GRM5: variants seen among roughly 807,000 people sequenced by gnomAD.
GRM5 encodes metabotropic glutamate receptor 5.
A neutral mutation model predicts 83.1 loss-of-function variants in GRM5; 19 were observed. The ratio of observed to expected loss-of-function variants is 0.23; its 90% CI spans 0.16 to 0.34. The LOEUF (loss-of-function observed/expected upper bound fraction) is 0.34, where lower values mean the gene tolerates loss of function less well. Ranked by LOEUF, GRM5 falls within the 10% of genes least tolerant of loss-of-function variation. GRM5 has a pLI of 1.00. For synonymous variants in GRM5, 675 were observed against 633.6 expected, an observed-to-expected ratio of 1.07 and a Z score of -0.98; for missense variants, 1,160 against 1,588.3, an observed-to-expected ratio of 0.73 and a Z score of 4.58.
chr11:88,885,450 G>GTTTT lies in GRM5; in HGVS notation c.662-35299_662-35296dup, dbSNP rs61456975. 2.9e-4 allele frequency among the ~76,000 whole-genome samples: 18 copies of GTTTT among 62,664 alleles called. 3 individuals carry two copies. The highest frequency in any genetic ancestry group is 1.1e-3 in the African/African-American group (18 of 16,892). The allele number at this position is 62,664 out of a possible 152,430, so 41.1% of individuals were successfully genotyped here. A position where few individuals can be genotyped will look rare whatever the true frequency, so the allele number is the denominator to read the frequency against. ...TTCTGAATTCTATAGTAGGTACCAT[G>GTTTT]TTTTTTTTTTTTTTTTTTTTTTTTT... is the stretch of plus-strand genomic sequence containing the variant. On this transcript the variant is annotated intron_variant, in intron 2 of 9. Transcript: ENST00000305447.
rs1183196121 is a variant in GRM5 at position 88,849,895 on chromosome 11, T to C, written c.911+11A>G. On this transcript the variant is annotated intron_variant, in intron 3 of 9. Coordinates refer to ENST00000305447, the MANE Select transcript of GRM5 (RefSeq NM_001143831.3). ...TATTAACTCCATGTAAATTTTCTTATTATCACTCACCTGCCCAGAAGCAGA... is the reference window on the plus strand; with the variant it reads ...TATTAACTCCATGTAAATTTTCTTACTATCACTCACCTGCCCAGAAGCAGA... 8 of 1,613,144 alleles carry C rather than the reference T, an allele frequency of 5.0e-6. No individual in the cohort carries two copies. In the African/African-American group the frequency reaches 8.0e-5, roughly 16 times the overall value.
Position 88,601,330 on chromosome 11 carries a change from C to T in GRM5, c.1394+3388G>A, listed in dbSNP as rs191279862. Among the ~76,000 whole-genome samples, 293 of 152,266 alleles carry T rather than the reference C, an allele frequency of 1.9e-3. 2 individuals carry two copies. Among genetic ancestry groups the T allele is most frequent in the Non-Finnish European group, 6.6e-4 (45 of 68,008 alleles). On this transcript the variant is annotated intron_variant, in intron 5 of 9. Transcript: ENST00000305447. ...CTAGCCTCGTATTTTCTATTTACCG[C>T]ATCTGTTTGTGCTCCTCTGTTCTTT... is the stretch of plus-strand genomic sequence containing the variant.
chr11:88,940,341 T>A (rs1938048021), intron 2 of GRM5, among the ~76,000 whole-genome samples: 1 of 151,308 alleles, frequency 6.6e-6, no homozygotes, highest in African/African-American at 2.4e-5. Context: ...GAAGACCTTT[T>A]AAAAGCAATT....
At chr11:88,684,184 A>T (rs1940564117) in intron 3 of GRM5, among the ~76,000 whole-genome samples, 1 of 152,230 alleles carries the variant, frequency 6.6e-6, no homozygotes, top group African/African-American at 2.4e-5. Context: ...AAGGGAGACT[A>T]GTAAGAGATT....
At chr11:88,924,134 C>CAAAAAAA (rs59939060) in intron 2 of GRM5, among the ~76,000 whole-genome samples, 1 of 146,844 alleles carries the variant, frequency 6.8e-6, no homozygotes, top group African/African-American at 2.5e-5. Flanking sequence ...TAGCTATAAT[C>CAAAAAAA]AAAAAAAAAA....
At chr11:88,727,532 C>A (rs563018388) in intron 3 of GRM5, among the ~76,000 whole-genome samples, 1 of 152,044 alleles carries the variant, frequency 6.6e-6, no homozygotes, top group African/African-American at 2.4e-5. Context: ...CTGGACCAAG[C>A]GGACCCAATA....
chr11:88,550,451 C>T (rs1358280323), intron 8 of GRM5, among the ~76,000 whole-genome samples: 1 of 152,166 alleles, frequency 6.6e-6, no homozygotes, highest in Non-Finnish European at 1.5e-5. Flanking sequence ...CTTTAGGACA[C>T]ACATCCAACT....
At chr11:88,601,748 G>A (rs973879160) in intron 5 of GRM5, among the ~76,000 whole-genome samples, 1 of 152,080 alleles carries the variant, frequency 6.6e-6, no homozygotes, top group Non-Finnish European at 1.5e-5. Flanking sequence ...TGGCAGCCAC[G>A]CATCTTAAAC....
chr11:88,832,086 A>C (rs544149030), intron 3 of GRM5, among the ~76,000 whole-genome samples: 8 of 152,340 alleles, frequency 5.3e-5, no homozygotes, highest in African/African-American at 1.7e-4. Context: ...AGGAAATCAC[A>C]GACAATACTG....
At chr11:88,926,628 C>T (rs1230108641) in intron 2 of GRM5, among the ~76,000 whole-genome samples, 1 of 152,190 alleles carries the variant, frequency 6.6e-6, no homozygotes, top group African/African-American at 2.4e-5. Flanking sequence ...TGTATCTCTA[C>T]AAATCTATAT....
At chr11:88,546,230 T>C (rs1242579122) in intron 8 of GRM5, among the ~76,000 whole-genome samples, 1 of 152,094 alleles carries the variant, frequency 6.6e-6, no homozygotes, top group Admixed American at 6.6e-5. Flanking sequence ...TAATACCTCA[T>C]CTTGCTTCTC....
At chr11:88,813,900 A>G (rs1366971559) in intron 3 of GRM5, among the ~76,000 whole-genome samples, 1 of 152,092 alleles carries the variant, frequency 6.6e-6, no homozygotes, top group African/African-American at 2.4e-5. Flanking sequence ...CTCCACCTAT[A>G]TATCCTAAAA....
intron 4 of GRM5, among the ~76,000 whole-genome samples, chr11:88,607,334 A>C (rs1186589179): frequency 6.6e-6 from 1 of 152,064 alleles, no homozygotes; most frequent in African/African-American, 2.4e-5. Flanking sequence ...TCATACCTTC[A>C]CAACTCTTAT....
chr11:88,870,773 G>A (rs894145599), intron 2 of GRM5, among the ~76,000 whole-genome samples: 3 of 151,460 alleles, frequency 2.0e-5, no homozygotes, highest in African/African-American at 7.3e-5. Flanking sequence ...TCTGGGCAGT[G>A]GGGGATATGG....
intron 3 of GRM5, among the ~76,000 whole-genome samples, chr11:88,843,517 T>A (rs1227177537): frequency 6.6e-6 from 1 of 152,148 alleles, no homozygotes; most frequent in East Asian, 1.9e-4. Flanking sequence ...CCACTGGCTG[T>A]ACTTCCGTCT....
chr11:88,896,437 G>A (rs1234741803), intron 2 of GRM5, among the ~76,000 whole-genome samples: 1 of 151,896 alleles, frequency 6.6e-6, no homozygotes, highest in Non-Finnish European at 1.5e-5. Context: ...GGCAGAGTGG[G>A]AAATGAGAGT....
At chr11:88,948,198 T>C (rs182518791) in intron 2 of GRM5, among the ~76,000 whole-genome samples, 328 of 152,344 alleles carry the variant, frequency 2.2e-3, no homozygotes, top group Non-Finnish European at 4.0e-3. Context: ...TTTCTGTATG[T>C]TAATTGAAAA....
chr11:88,893,167 A>T (rs967304411), intron 2 of GRM5, among the ~76,000 whole-genome samples: 7 of 151,876 alleles, frequency 4.6e-5, no homozygotes, highest in Admixed American at 3.3e-4. Context: ...AAAAGAAAAA[A>T]GAAGTATGAA....
intron 2 of GRM5, among the ~76,000 whole-genome samples, chr11:89,042,085 C>T (rs567772238): frequency 2.9e-4 from 44 of 152,216 alleles, no homozygotes; most frequent in African/African-American, 1.0e-3. Context: ...GCTTTTGTCA[C>T]CCAGGCTGGA....
Sources: allele counts gnomAD v4.1 joint callset (sites outside exome capture counted in the v4.1 genomes callset), GRCh38; gene constraint gnomAD v4.1.1; transcripts MANE v1.5; gene names NCBI Gene and HGNC (gene_info 2026-07-23, HGNC 2026-07-21).